The following PDE4D variants were observed in gnomAD, a reference collection of about 807,000 sequenced individuals.
The protein encoded by PDE4D is phosphodiesterase 4D.
PDE4D carries 24 observed loss-of-function variants against 87.4 expected under a neutral mutation model. That is an observed-to-expected ratio of 0.27 (90% CI 0.20 to 0.39). The LOEUF is 0.39. Ranked by LOEUF, PDE4D falls within the 10% of genes least tolerant of loss-of-function variation. PDE4D has a pLI of 1.00. For missense variants in PDE4D, 714 were observed against 1,041.0 expected (o/e 0.69, Z 4.32); for synonymous variants, 384 against 383.2 (o/e 1.00, Z -0.02).
rs1343585767 is a variant in PDE4D, at chr5:59,430,274, G to C, written c.456-214306C>G. 3.9e-5 allele frequency: 48 copies of C among 1,230,874 alleles called. 1 individual carries two copies. The Admixed American group carries it at 1.9e-3, about 48-fold the overall frequency. The allele number at this position is 1,230,874 out of a possible 1,614,324, so 76.2% of individuals were successfully genotyped here. On this transcript the variant is annotated intron_variant, in intron 1 of 14. Transcript: ENST00000340635. The stretch of plus-strand genomic sequence containing the variant: ...ACACATTTTCACTGACAAACAACTA[G>C]AGGAAAGGAAAGCAGTTACCGTCTC...
intron 1 of PDE4D, among the ~76,000 whole-genome samples, chr5:60,287,861 C>CA (rs1302701331): frequency 6.6e-6 from 1 of 152,110 alleles, no homozygotes; most frequent in Non-Finnish European, 1.5e-5. Context: ...TATTTGTGTA[C>CA]ATTTGTTTTT....
At chr5:59,030,906 T>A (rs1385128482) in intron 6 of PDE4D, among the ~76,000 whole-genome samples, 1 of 152,122 alleles carries the variant, frequency 6.6e-6, no homozygotes, top group Non-Finnish European at 1.5e-5. Context: ...GTTACATAGG[T>A]AAACATGTGC....
At chr5:58,983,432 C>T (rs1745697755) in intron 11 of PDE4D, among the ~76,000 whole-genome samples, 1 of 152,208 alleles carries the variant, frequency 6.6e-6, no homozygotes, top group African/African-American at 2.4e-5. Context: ...ACATGCCCAA[C>T]ATATGGCTTG....
At chr5:59,759,775 A>G (rs1216205540) in intron 1 of PDE4D, among the ~76,000 whole-genome samples, 1 of 152,150 alleles carries the variant, frequency 6.6e-6, no homozygotes, top group African/African-American at 2.4e-5. Context: ...TGCTTCTCAG[A>G]TGATTTCCCC....
At chr5:60,011,072 A>G (rs1764980222) in intron 2 of PDE4D, among the ~76,000 whole-genome samples, 2 of 152,206 alleles carry the variant, frequency 1.3e-5, no homozygotes, top group South Asian at 4.1e-4. Context: ...TGTAATTCTG[A>G]TTCCTTACCA....
intron 5 of PDE4D, among the ~76,000 whole-genome samples, chr5:59,054,634 G>A (rs1457280461): frequency 1.3e-5 from 2 of 150,578 alleles, no homozygotes; most frequent in African/African-American, 4.9e-5. Context: ...TGTATATATA[G>A]GAACAGTATA....
chr5:59,169,547 G>C (rs965474327), intron 5 of PDE4D, among the ~76,000 whole-genome samples: 4 of 152,256 alleles, frequency 2.6e-5, no homozygotes, highest in African/African-American at 4.8e-5. Flanking sequence ...CCAGGATGAC[G>C]AAGTCAGCAC....
At chr5:59,382,615 A>G (rs1178293773) in intron 1 of PDE4D, among the ~76,000 whole-genome samples, 1 of 152,230 alleles carries the variant, frequency 6.6e-6, no homozygotes, top group Non-Finnish European at 1.5e-5. Context: ...CATAGTCCAT[A>G]GGGTCATTTT....
At chr5:60,216,082 C>T (rs768084935) in intron 1 of PDE4D, among the ~76,000 whole-genome samples, 5 of 151,968 alleles carry the variant, frequency 3.3e-5, no homozygotes, top group Non-Finnish European at 7.4e-5. Context: ...TTCTGGGGCC[C>T]CTATTTTACC....
intron 1 of PDE4D, among the ~76,000 whole-genome samples, chr5:60,277,341 G>C (rs1441713376): frequency 2.0e-5 from 3 of 152,046 alleles, no homozygotes; most frequent in African/African-American, 7.2e-5. Flanking sequence ...ATTATTCCTA[G>C]TTGCAGATTA....
Position 59,157,126 on chromosome 5 carries a change from T to C in PDE4D, c.808+23469A>G, listed in dbSNP as rs916565641. On this transcript the variant is annotated intron_variant, in intron 5 of 14. Transcript: ENST00000340635. ...AAAATGTATTGAAAATTAATGACATTAATACCCAGGATGGTACATTTCCAT... is the reference window on the plus strand; with the variant it reads ...AAAATGTATTGAAAATTAATGACATCAATACCCAGGATGGTACATTTCCAT... The C allele has an allele frequency of 1.2e-5, 6 of 489,424 alleles. No individual in the cohort carries two copies. In the South Asian group the frequency reaches 2.5e-4, roughly 20 times the overall value. 30.3% of individuals were successfully genotyped at this position (489,424 alleles called of 1,614,324 possible).
intron 1 of PDE4D, among the ~76,000 whole-genome samples, chr5:60,362,863 GAA>G (rs57443993): frequency 1.7e-4 from 20 of 116,070 alleles, no homozygotes; most frequent in African/African-American, 4.7e-4. Flanking sequence ...TCCATCTCAA[GAA>G]AAAAAAAAAA....
intron 1 of PDE4D, among the ~76,000 whole-genome samples, chr5:60,238,243 A>T (rs1200682452): frequency 1.3e-5 from 2 of 151,970 alleles, no homozygotes; most frequent in African/African-American, 4.8e-5. Flanking sequence ...GAATTTATAC[A>T]TTTCATCTAC....
At chr5:60,180,116 G>GA (rs374556915) in intron 2 of PDE4D, among the ~76,000 whole-genome samples, 39 of 152,222 alleles carry the variant, frequency 2.6e-4, no homozygotes, top group African/African-American at 9.4e-4. Context: ...TCACAGTACA[G>GA]AAAAAAGTGG....
At chr5:60,153,739 T>C (rs1781720888) in intron 2 of PDE4D, among the ~76,000 whole-genome samples, 1 of 152,150 alleles carries the variant, frequency 6.6e-6, no homozygotes, top group African/African-American at 2.4e-5. Flanking sequence ...TAGAGGACAT[T>C]ATGCTAAGTG....
At chr5:59,610,209 C>A (rs2150065416) in intron 1 of PDE4D, among the ~76,000 whole-genome samples, 1 of 152,246 alleles carries the variant, frequency 6.6e-6, no homozygotes, top group South Asian at 2.1e-4. Flanking sequence ...CAAGGCACCC[C>A]CCAGAGTCTC....
chr5:60,293,658 T>A (rs1417662881), intron 1 of PDE4D, among the ~76,000 whole-genome samples: 2 of 152,232 alleles, frequency 1.3e-5, no homozygotes, highest in Non-Finnish European at 2.9e-5. Context: ...ACCTAAGTTT[T>A]GTTCTAGAAC....
chr5:59,388,960 T>C (rs1294633614), intron 1 of PDE4D, among the ~76,000 whole-genome samples: 1 of 152,060 alleles, frequency 6.6e-6, no homozygotes, highest in African/African-American at 2.4e-5. Context: ...AATCAAATTT[T>C]AGCTTTTACC....
At chr5:59,804,945 CCAT>C (rs1561689839) in intron 1 of PDE4D, among the ~76,000 whole-genome samples, 1 of 152,158 alleles carries the variant, frequency 6.6e-6, no homozygotes. Context: ...GCGCACACCA[CCAT>C]GCCTGGCTAA....
Sources: allele counts gnomAD v4.1 joint callset (sites outside exome capture counted in the v4.1 genomes callset), GRCh38; gene constraint gnomAD v4.1.1; transcripts MANE v1.5; gene names NCBI Gene and HGNC (gene_info 2026-07-23, HGNC 2026-07-21).